AFF2: variants seen among roughly 807,000 people sequenced by gnomAD.
AFF2 encodes the protein ALF transcription elongation factor 2, also known as AF4/FMR2 family member 2.
AFF2 carries 14 observed loss-of-function variants against 76.9 expected under a neutral mutation model. That is an observed-to-expected ratio of 0.18 (90% CI 0.12 to 0.28). AFF2 has a LOEUF of 0.28. Ranked by LOEUF, AFF2 falls within the 10% of genes least tolerant of loss-of-function variation. The pLI, the probability that AFF2 is intolerant of heterozygous loss-of-function variation, is 1.00. For missense variants in AFF2, 868 were observed against 1,001.1 expected (o/e 0.87, Z 1.79); for synonymous variants, 398 against 366.7 (o/e 1.09, Z -0.98).
chrX:148,567,829 A>T (rs1043660558), intron 1 of AFF2, among the ~76,000 whole-genome samples: 8 of 112,138 alleles, frequency 7.1e-5, no homozygotes, highest in African/African-American at 2.6e-4. Flanking sequence ...TGCTAGAAAA[A>T]GCTTTAGGAG....
Position 148,966,920 on chromosome X carries a change from C to T in AFF2, c.3044C>T (p.Thr1015Ile). 8.3e-7 allele frequency: 1 copy of T among 1,211,545 alleles called. No homozygotes were observed. Among genetic ancestry groups the T allele is most frequent in the Non-Finnish European group, 1.1e-6 (1 of 895,478 alleles). ...ACAGCTACTGCCACCGCCACGGCCACCACCACAACTACTACCACTACCATT... is the reference window on the plus strand; with the variant it reads ...ACAGCTACTGCCACCGCCACGGCCATCACCACAACTACTACCACTACCATT... ...TVTATATATATTTTTTTTIST... is the reference protein window; with the variant it reads ...TVTATATATAITTTTTTTIST... The change falls in exon 14 of 21, where the codon ACC becomes ATC. Residue 1015 changes from threonine to isoleucine, a missense_variant. By Grantham distance (89) the Thr-to-Ile change is moderately conservative. Coordinates refer to ENST00000370460, the MANE Select transcript of AFF2 (RefSeq NM_002025.4).
intron 4 of AFF2, among the ~76,000 whole-genome samples, chrX:148,837,064 G>A (rs1490082021): frequency 1.8e-5 from 2 of 111,853 alleles, no homozygotes; most frequent in African/African-American, 3.3e-5. Flanking sequence ...AGAAGGCAGC[G>A]ACAGTACTGT....
At chrX:148,854,918 A>T (rs1557275765) in intron 7 of AFF2, among the ~76,000 whole-genome samples, 1 of 110,942 alleles carries the variant, frequency 9.0e-6, no homozygotes, top group Non-Finnish European at 1.9e-5. Context: ...CGACATTCTT[A>T]TAAAAGGATT....
intron 9 of AFF2, among the ~76,000 whole-genome samples, chrX:148,918,085 G>C (rs181683895): frequency 8.9e-6 from 1 of 112,165 alleles, no homozygotes; most frequent in Non-Finnish European, 1.9e-5. Flanking sequence ...AGGAGATTTT[G>C]TATGGGACAA....
chrX:148,529,435 G>A (rs2052703793), intron 1 of AFF2, among the ~76,000 whole-genome samples: 1 of 112,313 alleles, frequency 8.9e-6, no homozygotes, highest in East Asian at 2.8e-4. Context: ...GGTCAACACA[G>A]CTACAGCAAC....
chrX:148,874,491 G>C (rs1471765601), intron 7 of AFF2, among the ~76,000 whole-genome samples: 1 of 110,903 alleles, frequency 9.0e-6, no homozygotes, highest in East Asian at 2.8e-4. Flanking sequence ...TTGTACACTT[G>C]GTAAATGCAA....
chrX:148,981,397 G>A (rs1305739631), intron 19 of AFF2, among the ~76,000 whole-genome samples: 5 of 110,777 alleles, frequency 4.5e-5, no homozygotes, highest in South Asian at 3.9e-4. Flanking sequence ...CCCAAAAACC[G>A]TTGACCTGGT....
chrX:148,882,455 A>G (rs2071108684), intron 7 of AFF2, among the ~76,000 whole-genome samples: 1 of 112,151 alleles, frequency 8.9e-6, no homozygotes, highest in Non-Finnish European at 1.9e-5. Context: ...AACATTGTGG[A>G]TGACTAGACC....
At chrX:148,756,832 C>T (rs1557266924) in intron 3 of AFF2, among the ~76,000 whole-genome samples, 1 of 112,248 alleles carries the variant, frequency 8.9e-6, no homozygotes, top group African/African-American at 3.2e-5. Context: ...GAAGTTGAGA[C>T]ACATAAATGT....
chrX:148,685,308 C>T (rs1457717930), intron 3 of AFF2, among the ~76,000 whole-genome samples: 2 of 111,941 alleles, frequency 1.8e-5, no homozygotes, highest in African/African-American at 6.5e-5. Flanking sequence ...TAACTTTCCA[C>T]ATTGGTTAAT....
chrX:148,566,089 T>C (rs1358523505), intron 1 of AFF2, among the ~76,000 whole-genome samples: 2 of 111,841 alleles, frequency 1.8e-5, no homozygotes, highest in African/African-American at 6.5e-5. Context: ...CCAAATAGTT[T>C]ATGTGCATCA....
At chrX:148,617,941 C>T in intron 1 of AFF2, among the ~76,000 whole-genome samples, 1 of 111,648 alleles carries the variant, frequency 9.0e-6, no homozygotes, top group African/African-American at 3.3e-5. Flanking sequence ...TAGATCTTTA[C>T]ACAGGAGTGA....
chrX:148,836,384 T>TTGAAC (rs1557273805), intron 4 of AFF2, among the ~76,000 whole-genome samples: 2 of 111,872 alleles, frequency 1.8e-5, no homozygotes, highest in African/African-American at 6.5e-5. Context: ...AAGACTCTTT[T>TTGAAC]TGAACTGAGT....
intron 1 of AFF2, among the ~76,000 whole-genome samples, chrX:148,634,293 A>G (rs1342436305): frequency 9.0e-6 from 1 of 111,663 alleles, no homozygotes; most frequent in Non-Finnish European, 1.9e-5. Context: ...AATAAAATGG[A>G]TGGGTTAATA....
chrX:148,647,043 C>A (rs10521875), intron 1 of AFF2, among the ~76,000 whole-genome samples: 21,419 of 111,208 alleles, frequency 0.19, 1,515 homozygotes, highest in Non-Finnish European at 0.2. Context: ...AAATAGGACT[C>A]GGTATAGAAA....
chrX:148,501,617 C>T (rs960055331), intron 1 of AFF2, among the ~76,000 whole-genome samples: 1 of 113,332 alleles, frequency 8.8e-6, no homozygotes, highest in East Asian at 2.8e-4. Context: ...GGCCACCGCC[C>T]CCGCTGCCGC....
At chrX:148,627,875 G>A (rs2053942429) in intron 1 of AFF2, among the ~76,000 whole-genome samples, 1 of 111,885 alleles carries the variant, frequency 8.9e-6, no homozygotes, top group Non-Finnish European at 1.9e-5. Flanking sequence ...GAGATTTCAG[G>A]GCTTGAGTTC....
chrX:148,574,940 TGG>T (rs1293420109), intron 1 of AFF2, among the ~76,000 whole-genome samples: 16 of 74,700 alleles, frequency 2.1e-4, no homozygotes, highest in Admixed American at 8.3e-4. Flanking sequence ...TACATAGTGC[TGG>T]GGTGTGTGTG....
intron 7 of AFF2, among the ~76,000 whole-genome samples, chrX:148,869,425 G>GA (rs1238883815): frequency 1.8e-5 from 2 of 112,299 alleles, no homozygotes; most frequent in African/African-American, 6.5e-5. Context: ...CAAAATAAAT[G>GA]AAGGAATGCA....
Sources: gnomAD v4.1 joint callset for allele counts (sites outside exome capture counted in the v4.1 genomes callset) on GRCh38, gnomAD v4.1.1 for gene constraint, MANE v1.5 for transcripts, NCBI Gene and HGNC (gene_info 2026-07-23, HGNC 2026-07-21) for gene names.